GALNTL6: variants seen among roughly 807,000 people sequenced by gnomAD.
GALNTL6 encodes the protein polypeptide N-acetylgalactosaminyltransferase like 6.
A neutral mutation model predicts 73.7 loss-of-function variants in GALNTL6; 46 were observed. The ratio of observed to expected loss-of-function variants is 0.62; its 90% CI spans 0.49 to 0.80. The LOEUF is 0.80. Ranked by LOEUF, GALNTL6 falls within the 30% of genes least tolerant of loss-of-function variation. GALNTL6 has a pLI of 0.00. For missense variants in GALNTL6, 604 were observed against 755.0 expected, an observed-to-expected ratio of 0.80 and a Z score of 2.34; for synonymous variants, 259 against 263.7, an observed-to-expected ratio of 0.98 and a Z score of 0.17.
intron 5 of GALNTL6, among the ~76,000 whole-genome samples, chr4:172,487,686 C>T (rs7679638): frequency 0.019 from 2,933 of 152,168 alleles, 86 homozygotes; most frequent in African/African-American, 0.065. Context: ...CCACACCCGA[C>T]CATGTTTTGT....
chr4:172,703,699 G>A (rs1184164479), intron 5 of GALNTL6, among the ~76,000 whole-genome samples: 5 of 151,842 alleles, frequency 3.3e-5, no homozygotes, highest in Non-Finnish European at 7.4e-5. Flanking sequence ...GGGTAATACT[G>A]ACCTTGTACA....
intron 3 of GALNTL6, among the ~76,000 whole-genome samples, chr4:172,287,339 T>G (rs1283862615): frequency 6.6e-6 from 1 of 152,200 alleles, no homozygotes. Context: ...GGCCTCATGC[T>G]GTGTGCATGC....
chr4:172,616,775 T>C (rs1738752317), intron 5 of GALNTL6, among the ~76,000 whole-genome samples: 1 of 152,102 alleles, frequency 6.6e-6, no homozygotes, highest in African/African-American at 2.4e-5. Context: ...TGGGATCCAG[T>C]TCTCCTGAAA....
At chr4:172,718,597 C>T (rs188021242) in intron 5 of GALNTL6, among the ~76,000 whole-genome samples, 5 of 151,928 alleles carry the variant, frequency 3.3e-5, no homozygotes, top group South Asian at 2.1e-4. Flanking sequence ...ATGATCATGC[C>T]GCTGCACTCT....
At chr4:172,497,844 A>G (rs770866594) in intron 5 of GALNTL6, among the ~76,000 whole-genome samples, 21 of 152,196 alleles carry the variant, frequency 1.4e-4, no homozygotes, top group Admixed American at 3.3e-4. Context: ...ACAAACTCAT[A>G]AGAAGACATA....
At chr4:172,088,243 T>A (rs1365664080) in intron 2 of GALNTL6, among the ~76,000 whole-genome samples, 1 of 152,234 alleles carries the variant, frequency 6.6e-6, no homozygotes, top group African/African-American at 2.4e-5. Flanking sequence ...AAGAATATTA[T>A]TGCCATTATT....
chr4:172,733,074 A>G (rs1736247178), intron 5 of GALNTL6, among the ~76,000 whole-genome samples: 1 of 152,284 alleles, frequency 6.6e-6, no homozygotes, highest in African/African-American at 2.4e-5. Flanking sequence ...TTTGTTTTTC[A>G]GTTTGAAGAA....
intron 2 of GALNTL6, among the ~76,000 whole-genome samples, chr4:171,990,344 T>C (rs76362783): frequency 6.6e-6 from 1 of 152,122 alleles, no homozygotes; most frequent in Admixed American, 6.6e-5. Context: ...TAATCCTCAT[T>C]TTACAGTTGA....
chr4:171,962,317 G>A (rs148148510), intron 2 of GALNTL6, among the ~76,000 whole-genome samples: 1 of 152,294 alleles, frequency 6.6e-6, no homozygotes, highest in African/African-American at 2.4e-5. Context: ...ATTCCCAGGA[G>A]GTTAGGCATT....
At chr4:172,272,143 T>C (rs7678141) in intron 3 of GALNTL6, among the ~76,000 whole-genome samples, 86,038 of 151,812 alleles carry the variant, frequency 0.57, 25,594 homozygotes, top group African/African-American at 0.77. Flanking sequence ...TTGGTAGAGA[T>C]GAGGTTTTGC....
At chr4:172,593,525 CT>C (rs1737733631) in intron 5 of GALNTL6, among the ~76,000 whole-genome samples, 1 of 152,160 alleles carries the variant, frequency 6.6e-6, no homozygotes, top group Admixed American at 6.6e-5. Context: ...TCACCGACCA[CT>C]CTATTGGTGG....
chr4:172,596,716 TTAATC>T (rs1344471875), intron 5 of GALNTL6, among the ~76,000 whole-genome samples: 3 of 152,208 alleles, frequency 2.0e-5, no homozygotes, highest in Non-Finnish European at 4.4e-5. Context: ...TTGCAATAGT[TTAATC>T]TAAGGACAGT....
intron 5 of GALNTL6, among the ~76,000 whole-genome samples, chr4:172,805,122 G>C (rs761524346): frequency 6.6e-6 from 1 of 152,112 alleles, no homozygotes; most frequent in Non-Finnish European, 1.5e-5. Flanking sequence ...TATAGCTGAG[G>C]AAAATGAGGT....
chr4:171,931,364 A>G (rs1014089514), intron 2 of GALNTL6, among the ~76,000 whole-genome samples: 14 of 152,274 alleles, frequency 9.2e-5, no homozygotes, highest in African/African-American at 2.9e-4. Context: ...CACTCATAAT[A>G]TGGGTCTAGT....
intron 2 of GALNTL6, among the ~76,000 whole-genome samples, chr4:172,056,725 A>G (rs1355195841): frequency 2.0e-5 from 3 of 151,816 alleles, no homozygotes; most frequent in African/African-American, 7.3e-5. Flanking sequence ...GCATTTTGAC[A>G]TATTTGTTTG....
intron 2 of GALNTL6, among the ~76,000 whole-genome samples, chr4:171,933,594 CTATTT>C (rs1560847539): frequency 6.6e-6 from 1 of 152,104 alleles, no homozygotes; most frequent in African/African-American, 2.4e-5. Flanking sequence ...TTTATTTAGA[CTATTT>C]TATTTCACAT....
chr4:172,005,651 T>C (rs1417788847), intron 2 of GALNTL6, among the ~76,000 whole-genome samples: 1 of 152,164 alleles, frequency 6.6e-6, no homozygotes, highest in Non-Finnish European at 1.5e-5. Flanking sequence ...TATGCAATAA[T>C]ATCTTAAAAT....
chr4:172,960,481 G>C (rs762145859), intron 10 of GALNTL6, among the ~76,000 whole-genome samples: 2 of 152,188 alleles, frequency 1.3e-5, no homozygotes, highest in Non-Finnish European at 2.9e-5. Flanking sequence ...TGGGGAGGAG[G>C]GGAGAGGTCA....
At chr4:172,455,063 G>A (rs1732341629) in intron 5 of GALNTL6, among the ~76,000 whole-genome samples, 3 of 152,194 alleles carry the variant, frequency 2.0e-5, no homozygotes, top group South Asian at 2.1e-4. Context: ...CCCATGGAGG[G>A]TGAGCAGAAG....
Sources: allele counts gnomAD v4.1 joint callset (sites outside exome capture counted in the v4.1 genomes callset), GRCh38; gene constraint gnomAD v4.1.1; transcripts MANE v1.5; gene names NCBI Gene and HGNC (gene_info 2026-07-23, HGNC 2026-07-21).